The following PCDH15 variants were observed in gnomAD, a reference collection of about 807,000 sequenced individuals.
PCDH15 encodes protocadherin related 15.
In PCDH15, 129 loss-of-function variants were observed where a neutral mutation model predicts 178.5. The observed-to-expected ratio is 0.72, with a 90% CI of 0.63 to 0.84. The LOEUF (loss-of-function observed/expected upper bound fraction) is 0.84. Among genes scored for constraint, PCDH15 ranks in the 40% least tolerant of loss-of-function variants. The pLI, the probability that PCDH15 is intolerant of heterozygous loss-of-function variation, is 0.00. For synonymous variants in PCDH15, 800 were observed against 732.0 expected, an observed-to-expected ratio of 1.09 and a Z score of -1.50; for missense variants, 2,230 against 2,099.9, an observed-to-expected ratio of 1.06 and a Z score of -1.21.
At chr10:55,608,783 A>G (rs1381299568) in intron 2 of PCDH15, among the ~76,000 whole-genome samples, 2 of 152,048 alleles carry the variant, frequency 1.3e-5, no homozygotes, top group South Asian at 2.1e-4. Context: ...AAAGGAACTC[A>G]GTGTGGGATA....
At chr10:55,376,242 T>C (rs1487775837) in intron 2 of PCDH15, among the ~76,000 whole-genome samples, 2 of 152,086 alleles carry the variant, frequency 1.3e-5, no homozygotes, top group African/African-American at 4.8e-5. Context: ...AATTTTCTAT[T>C]TTGTGAAGAT....
Position 53,807,534 on chromosome 10 carries a change from C to T in PCDH15, c.4672-404G>A, listed in dbSNP as rs183832822. ...CTTTAGTATATTCTGTTCATATTAA[C>T]GCTTCTATTCCCAATATTTAAAAAA... On this transcript the variant is annotated intron_variant, in intron 37 of 37. Coordinates refer to ENST00000644397, the MANE Select transcript of PCDH15 (RefSeq NM_001384140.1). 2.1e-3 allele frequency among the ~76,000 whole-genome samples: 315 copies of T among 152,208 alleles called. 1 individual carries two copies. The highest frequency in any genetic ancestry group is 6.9e-3 in the African/African-American group (286 of 41,552).
rs527378540 is a variant in PCDH15 at position 54,264,082 on chromosome 10, A to G, written c.877-27151T>C. 2.0e-5 allele frequency among the ~76,000 whole-genome samples: 3 copies of G among 152,210 alleles called. No individual in the cohort carries two copies. In the South Asian group the frequency reaches 6.2e-4, roughly 32 times the overall value. The stretch of plus-strand genomic sequence containing the variant: ...CCTTCAGTCACAGACTGAAGGCTGC[A>G]CATCAGCTTCCCTACTTTTGAGGCT... On this transcript the variant is annotated intron_variant, in intron 8 of 37. Transcript: ENST00000644397.
chr10:53,873,950 G>A (rs1248559252), intron 26 of PCDH15, among the ~76,000 whole-genome samples: 1 of 152,074 alleles, frequency 6.6e-6, no homozygotes, highest in Non-Finnish European at 1.5e-5. Context: ...GCCTCGCTAG[G>A]CACTTAATCT....
intron 1 of PCDH15, among the ~76,000 whole-genome samples, chr10:54,779,155 T>C (rs549618462): frequency 6.6e-6 from 1 of 151,888 alleles, no homozygotes; most frequent in Non-Finnish European, 1.5e-5. Context: ...TAGGAAAGGA[T>C]AAATATATTC....
At chr10:54,926,255 A>G (rs1014747036) in intron 2 of PCDH15, among the ~76,000 whole-genome samples, 1 of 152,016 alleles carries the variant, frequency 6.6e-6, no homozygotes, top group African/African-American at 2.4e-5. Context: ...ACATGTATTG[A>G]TTTGAGTATG....
intron 2 of PCDH15, among the ~76,000 whole-genome samples, chr10:54,635,379 C>T (rs1329542101): frequency 8.7e-6 from 1 of 115,004 alleles, no homozygotes; most frequent in Non-Finnish European, 2.1e-5. Flanking sequence ...TAATTCATCT[C>T]ATATATGTAT....
intron 10 of PCDH15, among the ~76,000 whole-genome samples, chr10:54,204,400 T>C (rs2050567227): frequency 6.6e-6 from 1 of 150,700 alleles, no homozygotes; most frequent in Non-Finnish European, 1.5e-5. Context: ...AATCCTATAG[T>C]GGAAGTTTGT....
chr10:54,567,305 T>C (rs1456330841), intron 2 of PCDH15, among the ~76,000 whole-genome samples: 4 of 152,170 alleles, frequency 2.6e-5, no homozygotes, highest in Non-Finnish European at 5.9e-5. Flanking sequence ...CATTTGACAC[T>C]GTCTTTCTCA....
At chr10:54,396,421 T>C (rs1951231784) in intron 3 of PCDH15, among the ~76,000 whole-genome samples, 2 of 152,110 alleles carry the variant, frequency 1.3e-5, no homozygotes, top group South Asian at 4.1e-4. Flanking sequence ...TTCTCTGGCT[T>C]TTCTCTTGTT....
chr10:54,303,440 A>G (rs12775251), intron 8 of PCDH15, among the ~76,000 whole-genome samples: 39,800 of 151,942 alleles, frequency 0.26, 6,544 homozygotes, highest in Non-Finnish European at 0.38. Flanking sequence ...ATATGCATAT[A>G]TATGCACACA....
Position 54,877,353 on chromosome 10 carries a change from C to G in PCDH15, c.-29+20097G>C, listed in dbSNP as rs1043154361. Among the ~76,000 whole-genome samples, 6 of 152,226 alleles carry G rather than the reference C, an allele frequency of 3.9e-5. No individual in the cohort carries two copies. The South Asian group carries it at 1.2e-3, about 32-fold the overall frequency. On this transcript the variant is annotated intron_variant, in intron 3 of 5. Transcript: ENST00000458638. Reference sequence around the variant, plus strand: ...ACTTTTTCCCCCAAATATTTTACCACCTAATGAAAATAGCTACCTACAGAA... The same window carrying G: ...ACTTTTTCCCCCAAATATTTTACCAGCTAATGAAAATAGCTACCTACAGAA...
chr10:54,146,896 A>ATATATATATAGTG (rs1324832159), intron 14 of PCDH15, among the ~76,000 whole-genome samples: 3 of 112,170 alleles, frequency 2.7e-5, no homozygotes, highest in African/African-American at 9.9e-5. Flanking sequence ...GTGTGTATAC[A>ATATATATATAGTG]TATATATATA....
At chr10:55,433,026 A>G (rs1838926564) in intron 2 of PCDH15, among the ~76,000 whole-genome samples, 1 of 115,482 alleles carries the variant, frequency 8.7e-6, no homozygotes, top group Non-Finnish European at 1.7e-5. Context: ...TCCGTCTCAA[A>G]AAAACAAAAC....
chr10:55,301,034 G>A (rs1055818313), intron 1 of PCDH15, among the ~76,000 whole-genome samples: 8 of 152,024 alleles, frequency 5.3e-5, no homozygotes, highest in Admixed American at 6.6e-5. Context: ...TCTAGATTTT[G>A]GCTATTATGT....
At chr10:53,934,839 G>A (rs1358654317) in intron 25 of PCDH15, among the ~76,000 whole-genome samples, 2 of 151,820 alleles carry the variant, frequency 1.3e-5, no homozygotes, top group African/African-American at 4.8e-5. Flanking sequence ...AATAACGCCT[G>A]GAGTCTGGGA....
intron 26 of PCDH15, among the ~76,000 whole-genome samples, chr10:53,876,844 C>G (rs2080283801): frequency 6.6e-6 from 1 of 152,016 alleles, no homozygotes. Context: ...ATTGTAGAAA[C>G]AGCAATGTAA....
At chr10:54,913,562 C>T (rs1325919841) in intron 2 of PCDH15, among the ~76,000 whole-genome samples, 1 of 152,192 alleles carries the variant, frequency 6.6e-6, no homozygotes, top group East Asian at 1.9e-4. Context: ...ACAGAGTTCA[C>T]ATTGGTGCAC....
At chr10:54,158,874 G>A (rs1227697569) in intron 13 of PCDH15, among the ~76,000 whole-genome samples, 3 of 152,108 alleles carry the variant, frequency 2.0e-5, no homozygotes, top group African/African-American at 7.2e-5. Flanking sequence ...TTGGGAGGCT[G>A]AGGTGGGCAG....
Sources: allele counts gnomAD v4.1 joint callset (sites outside exome capture counted in the v4.1 genomes callset), GRCh38; gene constraint gnomAD v4.1.1; transcripts MANE v1.5; gene names NCBI Gene and HGNC (gene_info 2026-07-23, HGNC 2026-07-21).